The following AGBL4 variants were observed in gnomAD, a reference collection of about 807,000 sequenced individuals.
AGBL4 encodes the protein AGBL carboxypeptidase 4.
Under a neutral mutation model 66.4 loss-of-function variants are expected in AGBL4, and 58 were observed. The observed-to-expected ratio is 0.87, with a 90% confidence interval of 0.71 to 1.09. AGBL4 has a LOEUF of 1.09. AGBL4 is among the 50% of genes least tolerant of loss of function. The pLI is 0.00. For synonymous variants in AGBL4, 234 were observed against 222.9 expected, an observed-to-expected ratio of 1.05 and a Z score of -0.44; for missense variants, 579 against 631.0, an observed-to-expected ratio of 0.92 and a Z score of 0.88.
At chr1:48,719,087 T>A (rs1647100384) in intron 6 of AGBL4, among the ~76,000 whole-genome samples, 2 of 152,140 alleles carry the variant, frequency 1.3e-5, no homozygotes, top group African/African-American at 4.8e-5. Flanking sequence ...TTACTCCACA[T>A]CCCATGCTGT....
At chr1:49,752,366 T>G (rs972944535) in intron 2 of AGBL4, among the ~76,000 whole-genome samples, 1 of 152,224 alleles carries the variant, frequency 6.6e-6, no homozygotes, top group Non-Finnish European at 1.5e-5. Flanking sequence ...TTGTTCAGTT[T>G]CCATGTAGTT....
In AGBL4 at chr1:48,651,977, G is replaced by T. The variant is rs60889599; in HGVS notation, c.839+1360C>A. On this transcript the variant is annotated intron_variant, in intron 8 of 13. Coordinates refer to ENST00000371839, the MANE Select transcript of AGBL4 (RefSeq NM_032785.4). ...CATGAGGGACACAAAGGCCATTAAG[G>T]TTCAGTCTCTGCCCTCCAGTAGCTT... 9.8e-3 allele frequency among the ~76,000 whole-genome samples: 1,493 copies of T among 152,298 alleles called. 28 individuals carry two copies. Among genetic ancestry groups the T allele is most frequent in the African/African-American group, 0.034 (1,409 of 41,562 alleles).
At chr1:49,069,957 A>C (rs1238379183) in intron 4 of AGBL4, among the ~76,000 whole-genome samples, 1 of 151,860 alleles carries the variant, frequency 6.6e-6, no homozygotes, top group African/African-American at 2.4e-5. Context: ...CATCCCTTGT[A>C]AGTTGGATTC....
At chr1:49,333,905 A>G (rs986184959) in intron 3 of AGBL4, among the ~76,000 whole-genome samples, 13 of 152,238 alleles carry the variant, frequency 8.5e-5, no homozygotes, top group South Asian at 8.3e-4. Context: ...CTGCCCCCAG[A>G]GAACTTTGGT....
intron 3 of AGBL4, among the ~76,000 whole-genome samples, chr1:49,412,624 C>T (rs373666522): frequency 3.3e-5 from 5 of 152,168 alleles, no homozygotes; most frequent in African/African-American, 1.2e-4. Flanking sequence ...AAACAAAAAA[C>T]CAAATGTTCT....
chr1:48,981,501 A>G (rs879261799), intron 5 of AGBL4, among the ~76,000 whole-genome samples: 3 of 152,214 alleles, frequency 2.0e-5, no homozygotes, highest in Non-Finnish European at 2.9e-5. Context: ...TGAGTGCCAT[A>G]GCTGGAATTC....
chr1:48,935,819 C>T (rs542560807), intron 5 of AGBL4, among the ~76,000 whole-genome samples: 17 of 150,924 alleles, frequency 1.1e-4, no homozygotes, highest in African/African-American at 3.9e-4. Flanking sequence ...ATCAGCTGGG[C>T]GTGGTAGCAG....
intron 3 of AGBL4, among the ~76,000 whole-genome samples, chr1:49,622,586 G>A (rs1221758896): frequency 3.4e-5 from 4 of 116,136 alleles, no homozygotes; most frequent in Non-Finnish European, 6.5e-5. Context: ...CCAAGATCCC[G>A]CCACTGCACT....
At chr1:49,140,561 A>T (rs1272853749) in intron 4 of AGBL4, among the ~76,000 whole-genome samples, 1 of 152,240 alleles carries the variant, frequency 6.6e-6, no homozygotes, top group African/African-American at 2.4e-5. Context: ...AGATTTCCAG[A>T]AGAAGATATT....
intron 3 of AGBL4, among the ~76,000 whole-genome samples, chr1:49,343,229 G>A (rs1645575744): frequency 6.6e-6 from 1 of 152,144 alleles, no homozygotes; most frequent in African/African-American, 2.4e-5. Flanking sequence ...GAGAAATAGA[G>A]AAGGTGCCAC....
intron 9 of AGBL4, among the ~76,000 whole-genome samples, chr1:48,618,434 G>C (rs1286036290): frequency 6.6e-6 from 1 of 152,150 alleles, no homozygotes; most frequent in Non-Finnish European, 1.5e-5. Context: ...CAATTCTATA[G>C]TACTACAGTC....
chr1:49,652,278 G>A (rs1389444787), intron 3 of AGBL4, among the ~76,000 whole-genome samples: 1 of 152,156 alleles, frequency 6.6e-6, no homozygotes, highest in African/African-American at 2.4e-5. Context: ...AAACATATTT[G>A]AGGAAATAAT....
chr1:48,862,987 G>A (rs570195531), intron 6 of AGBL4, among the ~76,000 whole-genome samples: 2 of 152,090 alleles, frequency 1.3e-5, no homozygotes, highest in Non-Finnish European at 2.9e-5. Flanking sequence ...AGGTAATATA[G>A]GAAAGGCTTG....
At chr1:49,152,082 G>A (rs1431721271) in intron 4 of AGBL4, among the ~76,000 whole-genome samples, 1 of 151,888 alleles carries the variant, frequency 6.6e-6, no homozygotes, top group East Asian at 1.9e-4. Context: ...ACTAGCTTAA[G>A]TTTTATAATA....
chr1:49,544,026 A>G (rs975667838), intron 3 of AGBL4, among the ~76,000 whole-genome samples: 3 of 152,180 alleles, frequency 2.0e-5, no homozygotes, highest in African/African-American at 7.2e-5. Context: ...TACACGTGAC[A>G]TATGTAGCAT....
At chr1:49,124,088 G>C (rs1267818849) in intron 4 of AGBL4, among the ~76,000 whole-genome samples, 2 of 152,188 alleles carry the variant, frequency 1.3e-5, no homozygotes, top group Non-Finnish European at 2.9e-5. Flanking sequence ...AGGCCTTGGA[G>C]GTGGTAAGAA....
chr1:49,311,077 A>G (rs976655785), intron 3 of AGBL4, among the ~76,000 whole-genome samples: 2 of 152,092 alleles, frequency 1.3e-5, no homozygotes, highest in Non-Finnish European at 2.9e-5. Flanking sequence ...TTGTTGAGAG[A>G]ATAACAAAAA....
chr1:49,746,601 G>T (rs922065011), intron 2 of AGBL4, among the ~76,000 whole-genome samples: 4 of 152,018 alleles, frequency 2.6e-5, no homozygotes, highest in African/African-American at 9.7e-5. Flanking sequence ...ATGACATTGT[G>T]TGGGAAGGCA....
intron 3 of AGBL4, among the ~76,000 whole-genome samples, chr1:49,375,907 T>C (rs899081837): frequency 1.3e-5 from 2 of 152,050 alleles, no homozygotes; most frequent in African/African-American, 4.8e-5. Context: ...CCTCTCTCCT[T>C]AGCCCATGCC....
Sources: allele counts gnomAD v4.1 joint callset (sites outside exome capture counted in the v4.1 genomes callset), GRCh38; gene constraint gnomAD v4.1.1; transcripts MANE v1.5; gene names NCBI Gene and HGNC (gene_info 2026-07-23, HGNC 2026-07-21).